The following NFE2L3 variants were observed in gnomAD, a reference collection of about 807,000 sequenced individuals.
NFE2L3 encodes the protein nuclear factor erythroid 2-related factor 3.
Under a neutral mutation model 23.5 loss-of-function variants are expected in NFE2L3, and 18 were observed. The observed-to-expected ratio is 0.77, with a 90% confidence interval of 0.53 to 1.13. The LOEUF (loss-of-function observed/expected upper bound fraction) is 1.13, where lower values mean the gene tolerates loss of function less well. Ranked by LOEUF, NFE2L3 falls within the 50% of genes most tolerant of loss-of-function variation. The pLI is 0.00. For missense variants in NFE2L3, 1,152 were observed against 877.2 expected (o/e 1.31, Z -3.96); for synonymous variants, 424 against 354.5 (o/e 1.20, Z -2.20).
chr7:26,175,854 T>C (rs1360834189), intron 1 of NFE2L3, among the ~76,000 whole-genome samples: 4 of 83,506 alleles, frequency 4.8e-5, no homozygotes, highest in Non-Finnish European at 8.0e-5. Flanking sequence ...TTTTCTTTTC[T>C]TTTTTTTTTT....
At chr7:26,165,545 G>A (rs1784234542) in intron 1 of NFE2L3, among the ~76,000 whole-genome samples, 1 of 152,178 alleles carries the variant, frequency 6.6e-6, no homozygotes, top group Non-Finnish European at 1.5e-5. Context: ...AGGAGATCTT[G>A]GGCTGAGACG....
At chr7:26,161,966 A>G (rs1784179443) in intron 1 of NFE2L3, among the ~76,000 whole-genome samples, 1 of 152,054 alleles carries the variant, frequency 6.6e-6, no homozygotes, top group African/African-American at 2.4e-5. Flanking sequence ...AACATGGCAA[A>G]ACCCCGTCTC....
intron 1 of NFE2L3, among the ~76,000 whole-genome samples, chr7:26,175,244 C>T (rs999139765): frequency 2.6e-5 from 4 of 151,668 alleles, no homozygotes; most frequent in Non-Finnish European, 5.9e-5. Flanking sequence ...CCTGTAGTCC[C>T]AGCTACTTGG....
In NFE2L3 at chr7:26,184,652, C is replaced by A. The variant is rs374724819; in HGVS notation, c.954C>A (p.Ala318=). Residue 318 remains alanine (A), a synonymous_variant, in exon 4 of 4, where the codon GCC becomes GCA. Coordinates refer to ENST00000056233, the MANE Select transcript of NFE2L3 (RefSeq NM_004289.7). ...GTCAGGATGTGAATCTTCATGAGGC[C>A]ATCTTGCTTTGTCCCAACAATACAT... ...AISQDVNLHE[A]ILLCPNNTFR... The A allele has an allele frequency of 2.1e-5, 34 of 1,613,798 alleles. No individual in the cohort carries two copies. Among genetic ancestry groups the A allele is most frequent in the Non-Finnish European group, 6.8e-6 (8 of 1,179,846 alleles).
chr7:26,160,684 C>T (rs1784153913), intron 1 of NFE2L3, among the ~76,000 whole-genome samples: 1 of 152,202 alleles, frequency 6.6e-6, no homozygotes, highest in African/African-American at 2.4e-5. Context: ...GAGACCCACC[C>T]AGATTATTGA....
intron 2 of NFE2L3, among the ~76,000 whole-genome samples, chr7:26,179,241 C>T (rs1243855708): frequency 6.6e-6 from 1 of 152,036 alleles, no homozygotes; most frequent in Admixed American, 6.5e-5. Flanking sequence ...TTGCTCACAC[C>T]TATAATCCCA....
chr7:26,152,368 G>C lies in NFE2L3; in HGVS notation c.-131G>C, dbSNP rs919457319. On this transcript the variant is annotated 5_prime_UTR_variant, in exon 1 of 4. Transcript: ENST00000056233. The surrounding 1 kb of genome is among the most constrained non-coding windows in gnomAD (Gnocchi z 4.4). Reference sequence around the variant, plus strand: ...ACCCGCGACGGCCGCCACGCGCCCCGGTCCATTGTTTCGCTTATCTGGGTT... The same window carrying C: ...ACCCGCGACGGCCGCCACGCGCCCCCGTCCATTGTTTCGCTTATCTGGGTT... 3.7e-6 allele frequency: 2 copies of C among 541,950 alleles called. No individual in the cohort carries two copies. Among genetic ancestry groups the C allele is most frequent in the Non-Finnish European group, 2.6e-6 (1 of 387,232 alleles). The allele number at this position is 541,950 out of a possible 1,614,324, so 33.6% of individuals were successfully genotyped here.
intron 1 of NFE2L3, among the ~76,000 whole-genome samples, chr7:26,168,373 G>A (rs1304832351): frequency 6.6e-6 from 1 of 151,854 alleles, no homozygotes; most frequent in African/African-American, 2.4e-5. Context: ...CTGACCTCAG[G>A]TGATCCACCT....
intron 1 of NFE2L3, among the ~76,000 whole-genome samples, chr7:26,177,480 C>A (rs1784434373): frequency 6.6e-6 from 1 of 152,050 alleles, no homozygotes; most frequent in African/African-American, 2.4e-5. Flanking sequence ...CCCTGCAATC[C>A]CAGGCACTGG....
At position 26,185,135 on chromosome 7, in the gene NFE2L3, T is replaced by C. The variant is rs184975849; in HGVS notation, c.1437T>C (p.Asp479=). Residue 479 remains aspartate (D), a synonymous_variant, in exon 4 of 4, where the codon GAT becomes GAC. Transcript: ENST00000056233. The stretch of plus-strand genomic sequence containing the variant: ...AACCCAGTAAGCTTTGTCACTTGGA[T>C]CAAAGTGATTCTGATTTCCATGGAG... ...YPEPSKLCHL[D]QSDSDFHGDL... The C allele has an allele frequency of 1.9e-6, 3 of 1,613,816 alleles. No individual in the cohort carries two copies. Among genetic ancestry groups the C allele is most frequent in the Non-Finnish European group, 2.5e-6 (3 of 1,179,854 alleles).
Position 26,152,997 on chromosome 7 carries a change from G to T in NFE2L3, c.499G>T (p.Ala167Ser), listed in dbSNP as rs748870994. 26 of 1,519,038 alleles carry T rather than the reference G, an allele frequency of 1.7e-5. No homozygotes were observed. In the South Asian group the frequency reaches 2.6e-4, roughly 15 times the overall value. The allele number at this position is 1,519,038 out of a possible 1,614,324, so 94.1% of individuals were successfully genotyped here. Reference protein sequence around the residue: ...PRAARSGPLDAGEEEKAPAEP... With the variant: ...PRAARSGPLDSGEEEKAPAEP... ...AGCGGCTCGGAGTGGCCCCTTGGAC[G>T]CCGGGGAAGAGGAGAAGGCACCCGC... Residue 167 changes from alanine (A) to serine (S), a missense_variant, in exon 1 of 4, where the codon GCC (alanine) becomes TCC (serine). By Grantham distance (99) the Ala-to-Ser change is moderately conservative. Coordinates refer to ENST00000056233, the MANE Select transcript of NFE2L3 (RefSeq NM_004289.7). The surrounding 1 kb of genome is among the most constrained non-coding windows in gnomAD (Gnocchi z 4.4).
At chr7:26,165,856 A>G (rs2128098330) in intron 1 of NFE2L3, among the ~76,000 whole-genome samples, 1 of 152,272 alleles carries the variant, frequency 6.6e-6, no homozygotes, top group South Asian at 2.1e-4. Context: ...TTTTAGCATG[A>G]AGGGTTGTTG....
chr7:26,184,557 C>T lies in NFE2L3; in HGVS notation c.859C>T (p.Leu287Phe), dbSNP rs1311685925. The change falls in exon 4 of 4, where the codon CTT (leucine) becomes TTT (phenylalanine). Residue 287 changes from leucine (L) to phenylalanine (F), a missense_variant. By Grantham distance (22) the Leu-to-Phe change is conservative (BLOSUM62 0). Transcript: ENST00000056233. The part of the protein sequence containing the change: ...LEGISLGDIP[L>F]PGSISDGMNS... ...GGGCATCTCATTGGGAGATATTCCTCTTCCAGGCAGTATCAGTGATGGCAT... is the reference window on the plus strand; with the variant it reads ...GGGCATCTCATTGGGAGATATTCCTTTTCCAGGCAGTATCAGTGATGGCAT... 5.0e-6 allele frequency: 8 copies of T among 1,612,624 alleles called. 1 individual carries two copies. Among genetic ancestry groups the T allele is most frequent in the South Asian group, 3.3e-5 (3 of 90,928 alleles).
At chr7:26,160,651 T>TA (rs1344130982) in intron 1 of NFE2L3, among the ~76,000 whole-genome samples, 1 of 152,218 alleles carries the variant, frequency 6.6e-6, no homozygotes, top group African/African-American at 2.4e-5. Context: ...GTTTTGCTCT[T>TA]AAAGCTCTCC....
chr7:26,167,822 T>C lies in NFE2L3; in HGVS notation c.571-10121T>C, dbSNP rs1055295326. Among the ~76,000 whole-genome samples, 7 of 152,210 alleles carry C rather than the reference T, an allele frequency of 4.6e-5. No individual in the cohort carries two copies. The East Asian group carries it at 1.2e-3, about 25-fold the overall frequency. ...TGAGTTATTGGCAGTTAATCATTAA[T>C]TGCAAATCTTCAGAATCAAAAAGCA... On this transcript the variant is annotated intron_variant, in intron 1 of 3. Coordinates refer to ENST00000056233, the MANE Select transcript of NFE2L3 (RefSeq NM_004289.7).
At position 26,152,843 on chromosome 7, in the gene NFE2L3, C is replaced by T; in HGVS notation, c.345C>T (p.Ser115=). Residue 115 remains serine, a synonymous_variant, in exon 1 of 4, where the codon AGC becomes AGT. Transcript: ENST00000056233. The surrounding 1 kb of genome is among the most constrained non-coding windows in gnomAD (Gnocchi z 4.4). ...RTSVDAWLVH[S]VAAGSADEAH... is the part of the protein sequence containing the mutation. ...GCGTGGATGCATGGCTGGTGCACAG[C>T]GTGGCTGCCGGGAGCGCGGACGAGG... 1 of 1,474,842 alleles carries T rather than the reference C, an allele frequency of 6.8e-7. No individual in the cohort carries two copies. The highest frequency in any genetic ancestry group is 8.9e-7 in the Non-Finnish European group (1 of 1,120,736). The allele number at this position is 1,474,842 out of a possible 1,614,324, so 91.4% of individuals were successfully genotyped here. A position where few individuals can be genotyped will look rare whatever the true frequency, so the allele number is the denominator to read the frequency against.
intron 1 of NFE2L3, among the ~76,000 whole-genome samples, chr7:26,176,169 G>T (rs1784402119): frequency 6.6e-6 from 1 of 152,008 alleles, no homozygotes; most frequent in Non-Finnish European, 1.5e-5. Context: ...GAGAGCAGGG[G>T]GTTGGGAGTA....
At chr7:26,165,277 A>G (rs1315152091) in intron 1 of NFE2L3, among the ~76,000 whole-genome samples, 1 of 152,222 alleles carries the variant, frequency 6.6e-6, no homozygotes, top group Non-Finnish European at 1.5e-5. Context: ...CTTCCTACCC[A>G]TGAGCATGGA....
rs192175353 is a variant in NFE2L3, at chr7:26,157,650, G to A, written c.570+4582G>A. On this transcript the variant is annotated intron_variant, in intron 1 of 3. Coordinates refer to ENST00000056233, the MANE Select transcript of NFE2L3 (RefSeq NM_004289.7). ...TACATACATTGCGTTTATGACAAGC[G>A]TTCACAGTGGGATTTTCATTTTGTT... Among the ~76,000 whole-genome samples, 20 of 152,274 alleles carry A rather than the reference G, an allele frequency of 1.3e-4. No homozygotes were observed. In the East Asian group the frequency reaches 3.3e-3, roughly 25 times the overall value.
Sources: allele counts gnomAD v4.1 joint callset (sites outside exome capture counted in the v4.1 genomes callset), GRCh38; gene constraint gnomAD v4.1.1; non-coding constraint Gnocchi (gnomAD v3.1); transcripts MANE v1.5; gene names NCBI Gene and HGNC (gene_info 2026-07-23, HGNC 2026-07-21).